Variants in SPIDR observed in about 807,000 individuals in gnomAD.
The protein encoded by SPIDR is scaffold protein involved in DNA repair.
Under a neutral mutation model 104.6 loss-of-function variants are expected in SPIDR, and 93 were observed. The ratio of observed to expected loss-of-function variants is 0.89; its 90% CI spans 0.75 to 1.06. The LOEUF (loss-of-function observed/expected upper bound fraction) is 1.06. Ranked by LOEUF, SPIDR falls within the 50% of genes least tolerant of loss-of-function variation. The pLI is 0.00. For synonymous variants in SPIDR, 431 were observed against 416.9 expected (o/e 1.03, Z -0.41); for missense variants, 1,154 against 1,111.2 (o/e 1.04, Z -0.55).
intron 5 of SPIDR, among the ~76,000 whole-genome samples, chr8:47,340,754 T>G (rs775563961): frequency 6.6e-6 from 1 of 152,078 alleles, no homozygotes; most frequent in Non-Finnish European, 1.5e-5. Context: ...TCTAGGGAGG[T>G]CACTGATGTA....
At chr8:47,702,440 AT>A (rs2080434692) in intron 14 of SPIDR, among the ~76,000 whole-genome samples, 1 of 152,134 alleles carries the variant, frequency 6.6e-6, no homozygotes, top group Middle Eastern at 3.2e-3. Context: ...GAATCTCAGG[AT>A]CGAGCTCAGC....
At chr8:47,417,272 A>G (rs371058174) in intron 7 of SPIDR, among the ~76,000 whole-genome samples, 8 of 152,304 alleles carry the variant, frequency 5.3e-5, no homozygotes, top group African/African-American at 1.9e-4. Flanking sequence ...ATTTCTTCAC[A>G]TCCTCTCCAG....
chr8:47,735,111 GGTGTGTGTGTGTGTGT>G (rs202076247), intron 19 of SPIDR, among the ~76,000 whole-genome samples, 180 bp from the exon 20 acceptor site: 1 of 135,182 alleles, frequency 7.4e-6, no homozygotes, highest in South Asian at 2.2e-4. Context: ...TGTGTGTGTG[GGTGTGTGTGTGTGTGT>G]GTGTGTGTAG....
chr8:47,685,343 T>C (rs1026755376), intron 11 of SPIDR, among the ~76,000 whole-genome samples: 2 of 152,064 alleles, frequency 1.3e-5, no homozygotes, highest in African/African-American at 2.4e-5. Flanking sequence ...AGTCTAGAAT[T>C]CAGTAAATGG....
At chr8:47,654,034 G>A (rs2072205620) in intron 10 of SPIDR, 5 of 1,289,052 alleles carry the variant, frequency 3.9e-6, no homozygotes, top group African/African-American at 3.0e-5. Flanking sequence ...GGGAACAGGC[G>A]GGAGCCAAGA....
intron 8 of SPIDR, among the ~76,000 whole-genome samples, chr8:47,582,827 TACACACACACAC>T (rs72295566): frequency 0.031 from 4,087 of 130,242 alleles, 191 homozygotes; most frequent in African/African-American, 0.1. Flanking sequence ...AACAACAAAT[TACACACACACAC>T]ACACACACAC....
At chr8:47,727,848 G>T (rs987586207) in intron 17 of SPIDR, among the ~76,000 whole-genome samples, 4 of 152,254 alleles carry the variant, frequency 2.6e-5, no homozygotes, top group African/African-American at 9.6e-5. Context: ...ACTGGGCATG[G>T]TGGCTCACGC....
At chr8:47,466,912 T>TATATAG (rs1462336747) in intron 8 of SPIDR, among the ~76,000 whole-genome samples, 224 of 113,346 alleles carry the variant, frequency 2.0e-3, no homozygotes, top group Admixed American at 4.0e-3. Context: ...TATATATATA[T>TATATAG]ATAGATAGAT....
chr8:47,343,077 C>A (rs1012112945), intron 5 of SPIDR, among the ~76,000 whole-genome samples: 4 of 152,010 alleles, frequency 2.6e-5, no homozygotes, highest in African/African-American at 9.7e-5. Context: ...AAGATTGTAG[C>A]CTTGTTTTGT....
At chr8:47,593,378 T>C (rs1239738337) in intron 8 of SPIDR, among the ~76,000 whole-genome samples, 1 of 152,246 alleles carries the variant, frequency 6.6e-6, no homozygotes, top group Non-Finnish European at 1.5e-5. Flanking sequence ...TCTGTTTATT[T>C]GCTGAGACTA....
chr8:47,699,309 A>G (rs555534974), intron 11 of SPIDR, among the ~76,000 whole-genome samples: 11 of 152,286 alleles, frequency 7.2e-5, no homozygotes, highest in African/African-American at 2.6e-4. Context: ...AGCATCCCCC[A>G]GTTTCCCAGA....
intron 10 of SPIDR, among the ~76,000 whole-genome samples, chr8:47,634,545 G>A (rs2067588791): frequency 6.6e-6 from 1 of 152,172 alleles, no homozygotes. Flanking sequence ...AATTCTTCCA[G>A]CGGAAAACCT....
intron 8 of SPIDR, among the ~76,000 whole-genome samples, chr8:47,493,175 CCTT>C (rs1471670776): frequency 6.6e-6 from 1 of 151,916 alleles, no homozygotes; most frequent in Non-Finnish European, 1.5e-5. Context: ...ACTGCTAGCT[CCTT>C]AAGAGCAGAA....
At chr8:47,324,234 G>T (rs1563621318) in intron 5 of SPIDR, among the ~76,000 whole-genome samples, 1 of 152,086 alleles carries the variant, frequency 6.6e-6, no homozygotes, top group Non-Finnish European at 1.5e-5. Flanking sequence ...CTAGAAAGTA[G>T]AAAGTTGTCA....
intron 5 of SPIDR, among the ~76,000 whole-genome samples, chr8:47,338,956 A>G (rs1457050031): frequency 6.6e-6 from 1 of 152,220 alleles, no homozygotes; most frequent in Non-Finnish European, 1.5e-5. Flanking sequence ...AGTAAAGGAC[A>G]AAATGAATAA....
At chr8:47,459,787 C>G (rs532094601) in intron 8 of SPIDR, among the ~76,000 whole-genome samples, 4 of 152,142 alleles carry the variant, frequency 2.6e-5, no homozygotes, top group Admixed American at 2.0e-4. Context: ...ATGAAGTTTC[C>G]TCTTACCACC....
At chr8:47,621,565 G>A (rs931579562) in intron 10 of SPIDR, among the ~76,000 whole-genome samples, 2 of 152,234 alleles carry the variant, frequency 1.3e-5, no homozygotes, top group Non-Finnish European at 2.9e-5. Flanking sequence ...TTTCTTGCCT[G>A]TGTGTGCACA....
At chr8:47,628,908 G>A (rs887582212) in intron 10 of SPIDR, among the ~76,000 whole-genome samples, 1 of 152,206 alleles carries the variant, frequency 6.6e-6, no homozygotes, top group Non-Finnish European at 1.5e-5. Context: ...GTAGGGCTCA[G>A]CTACTTTCTG....
intron 8 of SPIDR, among the ~76,000 whole-genome samples, chr8:47,476,704 T>C (rs1014900905): frequency 2.0e-5 from 3 of 152,218 alleles, no homozygotes; most frequent in Non-Finnish European, 4.4e-5. Context: ...TTATTTTTCA[T>C]CCTATCTTGT....
Sources: gnomAD v4.1 joint callset for allele counts (sites outside exome capture counted in the v4.1 genomes callset) on GRCh38, gnomAD v4.1.1 for gene constraint, MANE v1.5 for transcripts, NCBI Gene and HGNC (gene_info 2026-07-23, HGNC 2026-07-21) for gene names.